The following SALL2 variants were observed in gnomAD, a reference collection of about 807,000 sequenced individuals.
The protein encoded by SALL2 is sal-like protein 2.
Under a neutral mutation model 58.5 loss-of-function variants are expected in SALL2, and 32 were observed. That is an observed-to-expected ratio of 0.55 (90% CI 0.41 to 0.74). The LOEUF (loss-of-function observed/expected upper bound fraction) is 0.74. Ranked by LOEUF, SALL2 falls within the 30% of genes least tolerant of loss-of-function variation. The pLI, the probability that SALL2 is intolerant of heterozygous loss-of-function variation, is 0.00. For missense variants in SALL2, 1,201 were observed against 1,268.9 expected (o/e 0.95, Z 0.81); for synonymous variants, 516 against 513.6 (o/e 1.00, Z -0.06).
intron 1 of SALL2, 30 bp downstream of exon 1, chr14:21,526,031 C>A: frequency 6.6e-7 from 1 of 1,518,216 alleles, no homozygotes; most frequent in South Asian, 1.2e-5. Context: ...CCGCCCCCAC[C>A]CCTGCCCAGC....
intron 1 of SALL2, among the ~76,000 whole-genome samples, chr14:21,536,130 G>C (rs550608903): frequency 6.6e-6 from 1 of 152,278 alleles, no homozygotes; most frequent in South Asian, 2.1e-4. Flanking sequence ...CCCCTCATAA[G>C]GGACACCTGT....
In SALL2 at chr14:21,522,348, C is replaced by A; in HGVS notation, c.*356G>T. On this transcript the variant is annotated 3_prime_UTR_variant, in exon 2 of 2. Transcript: ENST00000537235. ...CAGCTGCCAGCCCTTTTTGGCTAGG[C>A]TGCAATGCCAAATGTAGGTGCTCAG... 1 of 1,451,608 alleles carries A rather than the reference C, an allele frequency of 6.9e-7. No homozygotes were observed. Among genetic ancestry groups the A allele is most frequent in the Non-Finnish European group, 9.1e-7 (1 of 1,104,186 alleles). 89.9% of individuals were successfully genotyped at this position (1,451,608 alleles called of 1,614,324 possible). A position where few individuals can be genotyped will look rare whatever the true frequency, so the allele number is the denominator to read the frequency against.
At chr14:21,529,111 C>T (rs1215137078), upstream of SALL2, among the ~76,000 whole-genome samples, 1 of 152,172 alleles carries the variant, frequency 6.6e-6, no homozygotes, top group Non-Finnish European at 1.5e-5. Context: ...AGGAACCCTC[C>T]ATTTCTCAGT....
chr14:21,525,272 T>C lies in SALL2; in HGVS notation c.450A>G (p.Leu150=), dbSNP rs1227584120. The change falls in exon 2 of 2, where the codon TTA becomes TTG. Residue 150 remains leucine (L), a synonymous_variant. Coordinates refer to ENST00000537235, the MANE Select transcript of SALL2 (RefSeq NM_001364564.1). This position sits in a 1 kb window ranked among gnomAD's most constrained non-coding sequence, Gnocchi z 4.4. Reference sequence around the variant, plus strand: ...GGGGTGCAGGGGTCGATTCTGGAGGTAATGGGGTTGCTCCCAGCTTGGGAC... The same window carrying C: ...GGGGTGCAGGGGTCGATTCTGGAGGCAATGGGGTTGCTCCCAGCTTGGGAC... ...LASPKLGATP[L]PPESTPAPPP... is the part of the protein sequence containing the mutation. 6.2e-7 allele frequency: 1 copy of C among 1,611,532 alleles called. No homozygotes were observed.
chr14:21,528,409 A>G (rs777243575), upstream of SALL2, among the ~76,000 whole-genome samples: 73 of 152,300 alleles, frequency 4.8e-4, no homozygotes, highest in Admixed American at 5.9e-4. Context: ...GAAACAACCT[A>G]TTTAAAATAT....
rs1179395433 is a variant in SALL2 at position 21,523,840 on chromosome 14, G to C, written c.1882C>G (p.Pro628Ala). 1.9e-6 allele frequency: 3 copies of C among 1,614,202 alleles called. No individual in the cohort carries two copies. In the Admixed American group the frequency reaches 5.0e-5, roughly 27 times the overall value. The change falls in exon 2 of 2, where the codon CCT becomes GCT. Residue 628 changes from proline to alanine, a missense_variant. Transcript: ENST00000537235. This position sits in a 1 kb window ranked among gnomAD's most constrained non-coding sequence, Gnocchi z 4.4. ...PAPSSSASSGPNQCVICLRVL... is the reference protein window; with the variant it reads ...PAPSSSASSGANQCVICLRVL... ...CGGAGACAGATGACACACTGGTTAG[G>C]TCCAGAAGAGGCTGAGGATGAAGGT...
chr14:21,532,689 C>T (rs1594470723), intron 1 of SALL2, among the ~76,000 whole-genome samples: 1 of 151,744 alleles, frequency 6.6e-6, no homozygotes, highest in East Asian at 1.9e-4. Context: ...TGGGGCTGGG[C>T]GTGGTGGCTC....
intron 1 of SALL2, among the ~76,000 whole-genome samples, chr14:21,532,271 C>T (rs949191741): frequency 2.0e-5 from 3 of 151,274 alleles, no homozygotes; most frequent in South Asian, 4.2e-4. Context: ...TTGGCAAGGT[C>T]ACACATACAG....
At position 21,526,094 on chromosome 14, in the gene SALL2, C is replaced by T. The variant is rs1405068557; in HGVS notation, c.34G>A (p.Gly12Arg). 6.5e-7 allele frequency: 1 copy of T among 1,538,072 alleles called. No individual in the cohort carries two copies. Among genetic ancestry groups the T allele is most frequent in the South Asian group, 1.2e-5 (1 of 84,182 alleles). ...TCTGCCGGCTCCCCGCAGGGCACCC[C>T]GAGACGAGAGCTCCTCTCGGATTCG... ...AHESERSSRL[G>R]VPCGEPAELG... The change falls in exon 1 of 2, where the codon GGG (glycine) becomes AGG (arginine). Residue 12 changes from glycine (G) to arginine (R), a missense_variant. By Grantham distance (125) the Gly-to-Arg change is moderately radical (BLOSUM62 -2). Coordinates refer to ENST00000537235, the MANE Select transcript of SALL2 (RefSeq NM_001364564.1).
rs757550005 is a variant in SALL2 at position 21,523,662 on chromosome 14, G to A, written c.2060C>T (p.Ala687Val). ...CTGGCAGATGGGGCAGGAATTCTGT[G>A]CCCGGGCAGCTGGACTGGCCTTGTG... is the stretch of plus-strand genomic sequence containing the variant. ...VGHKASPAARAQNSCPICQKK... is the reference protein window; with the variant it reads ...VGHKASPAARVQNSCPICQKK... Residue 687 changes from alanine (A) to valine (V), a missense_variant, in exon 2 of 2, where the codon GCA becomes GTA. By Grantham distance (64) the Ala-to-Val change is moderately conservative. This residue lies in a region of SALL2 where 675 missense variants were observed against 683.8 expected (regional missense o/e 0.99). Coordinates refer to ENST00000537235, the MANE Select transcript of SALL2 (RefSeq NM_001364564.1). This position sits in a 1 kb window ranked among gnomAD's most constrained non-coding sequence, Gnocchi z 4.4. 1.9e-6 allele frequency: 3 copies of A among 1,614,230 alleles called. No homozygotes were observed. The highest frequency in any genetic ancestry group is 2.5e-6 in the Non-Finnish European group (3 of 1,180,040).
chr14:21,524,067 A>G lies in SALL2; in HGVS notation c.1655T>C (p.Val552Ala). ...CAGTGCCCAGCTTGGTAGTGAAGTCACCAACTTACTTAGTTGCATGCGAGT... is the reference window on the plus strand; with the variant it reads ...CAGTGCCCAGCTTGGTAGTGAAGTCGCCAACTTACTTAGTTGCATGCGAGT... ...TATRMQLSKL[V>A]TSLPSWALLT... Residue 552 changes from valine (V) to alanine (A), a missense_variant, in exon 2 of 2, where the codon GTG (valine) becomes GCG (alanine). Val to Ala is a moderately conservative substitution (Grantham distance 64). Around this residue, in one of 3 missense-constraint regions of SALL2, gnomAD observed 675 missense variants for 683.8 expected, o/e 0.99. Coordinates refer to ENST00000537235, the MANE Select transcript of SALL2 (RefSeq NM_001364564.1). 1 of 1,614,178 alleles carries G rather than the reference A, an allele frequency of 6.2e-7. No individual in the cohort carries two copies. The highest frequency in any genetic ancestry group is 8.5e-7 in the Non-Finnish European group (1 of 1,180,016).
chr14:21,526,022 C>CCCCCCCCCCCCA, intron 1 of SALL2, 39 bp downstream of exon 1: 1 of 1,375,036 alleles, frequency 7.3e-7, no homozygotes, highest in Non-Finnish European at 1.0e-6. Flanking sequence ...CATCCCCCTC[C>CCCCCCCCCCCCA]GCCCCCACCC....
chr14:21,526,001 C>CGGGGGGGGGGGGGGGGGGGGGGGGG, intron 1 of SALL2, 60 bp downstream of exon 1: 4 of 1,389,780 alleles, frequency 2.9e-6, no homozygotes, highest in South Asian at 1.2e-5. Context: ...AAAGTCTTCG[C>CGGGGGGGGGGGGGGGGGGGGGGGGG]CGCCCCTGCG....
rs747287899 is a variant in SALL2 at position 21,523,609 on chromosome 14, G to T, written c.2113C>A (p.Gln705Lys). 6.2e-7 allele frequency: 1 copy of T among 1,614,256 alleles called. No homozygotes were observed. Among genetic ancestry groups the T allele is most frequent in the Non-Finnish European group, 8.5e-7 (1 of 1,180,054 alleles). ...QKKFTNAVTL[Q>K]QHVRMHLGGQ... The stretch of plus-strand genomic sequence containing the variant: ...CCCAGGTGCATCCGGACATGCTGCT[G>T]CAGAGTGACAGCATTGGTGAACTTC... The change falls in exon 2 of 2, where the codon CAG becomes AAG. Residue 705 changes from glutamine (Q) to lysine (K), a missense_variant. Transcript: ENST00000537235. This position sits in a 1 kb window ranked among gnomAD's most constrained non-coding sequence, Gnocchi z 4.4.
rs1892046794 is a variant in SALL2, at chr14:21,521,924, C to T, written c.*780G>A. ...CCCTTCCTTCATTTCTCCCTACTTC[C>T]TAGGGTTGGGTCACCAATTACTGGA... On this transcript the variant is annotated 3_prime_UTR_variant, in exon 2 of 2. Transcript: ENST00000537235. The T allele has an allele frequency of 6.9e-7, 1 of 1,447,624 alleles. No homozygotes were observed. The allele number at this position is 1,447,624 out of a possible 1,614,324, so 89.7% of individuals were successfully genotyped here. A position where few individuals can be genotyped will look rare whatever the true frequency, so the allele number is the denominator to read the frequency against.
At position 21,523,329 on chromosome 14, in the gene SALL2, C is replaced by G; in HGVS notation, c.2393G>C (p.Gly798Ala). The change falls in exon 2 of 2, where the codon GGT becomes GCT. Residue 798 changes from glycine to alanine, a missense_variant. Around this residue, in one of 3 missense-constraint regions of SALL2, gnomAD observed 675 missense variants for 683.8 expected, o/e 0.99. Transcript: ENST00000537235. The surrounding 1 kb of genome is among the most constrained non-coding windows in gnomAD (Gnocchi z 4.4). The part of the protein sequence containing the change: ...SGGEKAISVR[G>A]DSEEASGAEE... Reference sequence around the variant, plus strand: ...TGCCCCAGATGCCTCTTCTGAATCACCTCTCACTGATATTGCCTTCTCACC... The same window carrying G: ...TGCCCCAGATGCCTCTTCTGAATCAGCTCTCACTGATATTGCCTTCTCACC... 1 of 1,613,746 alleles carries G rather than the reference C, an allele frequency of 6.2e-7. No homozygotes were observed. Among genetic ancestry groups the G allele is most frequent in the South Asian group, 1.1e-5 (1 of 91,086 alleles).
chr14:21,534,299 G>A (rs1892537345), intron 1 of SALL2, among the ~76,000 whole-genome samples: 2 of 152,164 alleles, frequency 1.3e-5, no homozygotes, highest in South Asian at 4.1e-4. Context: ...GGGGAATTCT[G>A]ATGAGAAAAT....
intron 1 of SALL2, among the ~76,000 whole-genome samples, chr14:21,535,613 G>A (rs1892578404): frequency 1.3e-5 from 2 of 152,204 alleles, no homozygotes; most frequent in African/African-American, 2.4e-5. Context: ...TTTCACAGAT[G>A]AGGAAACTGA....
rs1261959110 is a variant in SALL2, at chr14:21,523,044, C to T, written c.2678G>A (p.Ser893Asn). The T allele has an allele frequency of 6.2e-7, 1 of 1,614,176 alleles. No individual in the cohort carries two copies. The highest frequency in any genetic ancestry group is 8.5e-7 in the Non-Finnish European group (1 of 1,180,030). Residue 893 changes from serine to asparagine, a missense_variant, in exon 2 of 2, where the codon AGC becomes AAC. Transcript: ENST00000537235. This position sits in a 1 kb window ranked among gnomAD's most constrained non-coding sequence, Gnocchi z 4.4. The part of the protein sequence containing the change: ...ATSVTLVEEL[S>N]LQEAMRKEPG... ...CTCCTTTCTCATTGCCTCCTGCAGG[C>T]TCAGCTCCTCTACCAAGGTCACGCT... is the stretch of plus-strand genomic sequence containing the variant.
Sources: allele counts gnomAD v4.1 joint callset (sites outside exome capture counted in the v4.1 genomes callset), GRCh38; gene constraint gnomAD v4.1.1; regional missense constraint gnomAD v4.1.1; non-coding constraint Gnocchi (gnomAD v3.1); transcripts MANE v1.5; gene names NCBI Gene and HGNC (gene_info 2026-07-23, HGNC 2026-07-21).